SPON1: variants seen among roughly 807,000 people sequenced by gnomAD.
SPON1 encodes the protein spondin 1.
SPON1 carries 52 observed loss-of-function variants against 111.7 expected under a neutral mutation model. The observed-to-expected ratio is 0.47, with a 90% confidence interval of 0.37 to 0.59. SPON1 has a LOEUF of 0.59. Among genes scored for constraint, SPON1 ranks in the 20% least tolerant of loss-of-function variants. SPON1 has a pLI of 0.00. For missense variants in SPON1, 957 were observed against 1,068.5 expected (o/e 0.90, Z 1.46); for synonymous variants, 410 against 395.8 (o/e 1.04, Z -0.43).
chr11:14,119,077 T>C (rs1849285643), intron 5 of SPON1, among the ~76,000 whole-genome samples: 1 of 152,164 alleles, frequency 6.6e-6, no homozygotes, highest in African/African-American at 2.4e-5. Context: ...GGATTACCTA[T>C]ATTATGCTTA....
At chr11:14,070,375 G>A (rs1848865810) in intron 3 of SPON1, among the ~76,000 whole-genome samples, 1 of 152,158 alleles carries the variant, frequency 6.6e-6, no homozygotes, top group East Asian at 1.9e-4. Context: ...TATTGTCTCT[G>A]TCTGAAGCAG....
intron 6 of SPON1, among the ~76,000 whole-genome samples, chr11:14,155,534 T>C (rs1847835329): frequency 1.3e-5 from 2 of 151,428 alleles, no homozygotes; most frequent in Admixed American, 6.6e-5. Flanking sequence ...AGTTTTAGGG[T>C]ACATGTGCAC....
intron 5 of SPON1, among the ~76,000 whole-genome samples, chr11:14,118,271 A>G (rs1554926192): frequency 6.6e-6 from 1 of 152,220 alleles, no homozygotes; most frequent in Non-Finnish European, 1.5e-5. Flanking sequence ...CTCAAGTGTT[A>G]GTGGAGTATT....
intron 6 of SPON1, among the ~76,000 whole-genome samples, chr11:14,227,114 T>C (rs1278666485): frequency 9.9e-5 from 15 of 152,212 alleles, no homozygotes; most frequent in African/African-American, 3.6e-4. Flanking sequence ...AGGATGTAGA[T>C]ATTTTGGGGG....
intron 5 of SPON1, among the ~76,000 whole-genome samples, chr11:14,133,180 C>T (rs898438720): frequency 2.0e-5 from 3 of 152,156 alleles, no homozygotes; most frequent in South Asian, 2.1e-4. Flanking sequence ...AATTTAATCA[C>T]GGTGAATCAA....
At chr11:14,132,363 T>G (rs1554927598) in intron 5 of SPON1, among the ~76,000 whole-genome samples, 1 of 152,106 alleles carries the variant, frequency 6.6e-6, no homozygotes, top group Non-Finnish European at 1.5e-5. Flanking sequence ...GTTGAACTTG[T>G]GTAATTAAAT....
intron 5 of SPON1, among the ~76,000 whole-genome samples, chr11:14,102,690 C>A (rs1554924496): frequency 1.3e-5 from 2 of 152,176 alleles, no homozygotes; most frequent in Admixed American, 1.3e-4. Context: ...GACACTGATG[C>A]CTTTGAAGAG....
chr11:14,249,915 A>G (rs1849034417), intron 7 of SPON1, among the ~76,000 whole-genome samples: 1 of 152,198 alleles, frequency 6.6e-6, no homozygotes, highest in Non-Finnish European at 1.5e-5. Flanking sequence ...TCACATAGCT[A>G]TTAAATAAAC....
At chr11:14,041,084 A>G (rs1848627765) in intron 2 of SPON1, among the ~76,000 whole-genome samples, 1 of 152,206 alleles carries the variant, frequency 6.6e-6, no homozygotes, top group Non-Finnish European at 1.5e-5. Context: ...TACTTTATAT[A>G]CTTTGCTATA....
rs1402123756 is a variant in SPON1 at position 14,121,508 on chromosome 11, T to C, written c.677-13912T>C. Among the ~76,000 whole-genome samples the C allele has an allele frequency of 2.6e-5, 4 of 152,144 alleles. No individual in the cohort carries two copies. The East Asian group carries it at 7.7e-4, about 29-fold the overall frequency. ...TGGAAGCAGTGGGTTCAGACTGACC[T>C]TCCTGAAAAGCCTGGAGGTGCAGGA... On this transcript the variant is annotated intron_variant, in intron 5 of 15. Coordinates refer to ENST00000576479, the MANE Select transcript of SPON1 (RefSeq NM_006108.4).
chr11:13,988,236 T>C (rs1554910669), intron 2 of SPON1, among the ~76,000 whole-genome samples: 1 of 152,232 alleles, frequency 6.6e-6, no homozygotes. Context: ...CCTTGAGCAG[T>C]GGTTTGTAGT....
intron 6 of SPON1, among the ~76,000 whole-genome samples, chr11:14,238,432 C>T (rs934201058): frequency 6.6e-6 from 1 of 152,202 alleles, no homozygotes; most frequent in Non-Finnish European, 1.5e-5. Context: ...TGGCCTTCTG[C>T]TGTGGGCACA....
intron 1 of SPON1, among the ~76,000 whole-genome samples, chr11:13,966,439 T>C (rs1408882319): frequency 6.6e-6 from 1 of 152,138 alleles, no homozygotes; most frequent in Non-Finnish European, 1.5e-5. Context: ...TGATTGAAAA[T>C]AAAAGAGGCT....
intron 6 of SPON1, among the ~76,000 whole-genome samples, chr11:14,199,968 G>C (rs1375623623): frequency 6.6e-6 from 1 of 152,104 alleles, no homozygotes; most frequent in Non-Finnish European, 1.5e-5. Flanking sequence ...ACCGCTTACA[G>C]TACCCTCAAA....
intron 2 of SPON1, among the ~76,000 whole-genome samples, chr11:14,025,488 A>G (rs1283892763): frequency 1.3e-5 from 2 of 152,192 alleles, no homozygotes; most frequent in Non-Finnish European, 2.9e-5. Context: ...ATGTCCATCA[A>G]AATCACCTGA....
At chr11:14,028,439 C>T (rs1412608490) in intron 2 of SPON1, among the ~76,000 whole-genome samples, 2 of 151,970 alleles carry the variant, frequency 1.3e-5, no homozygotes, top group African/African-American at 4.8e-5. Context: ...TGTCACTTCA[C>T]TCTAGCCGGG....
At chr11:14,226,551 A>G (rs1429600062) in intron 6 of SPON1, among the ~76,000 whole-genome samples, 7 of 152,224 alleles carry the variant, frequency 4.6e-5, no homozygotes, top group Admixed American at 3.3e-4. Flanking sequence ...TCAAAATTCG[A>G]CGTACAATTT....
intron 1 of SPON1, 34 bp downstream of exon 1, chr11:13,963,176 G>T (rs1455454235): frequency 2.4e-5 from 34 of 1,416,288 alleles, no homozygotes; most frequent in Non-Finnish European, 3.1e-5. Context: ...TTAGGAGAGC[G>T]GGACCCGGTC....
At chr11:14,084,614 T>C (rs578106470) in intron 5 of SPON1, among the ~76,000 whole-genome samples, 1 of 152,356 alleles carries the variant, frequency 6.6e-6, no homozygotes, top group Non-Finnish European at 1.5e-5. Flanking sequence ...AGCATAAATA[T>C]GCATGTGTCT....
Sources: allele counts gnomAD v4.1 joint callset (sites outside exome capture counted in the v4.1 genomes callset), GRCh38; gene constraint gnomAD v4.1.1; transcripts MANE v1.5; gene names NCBI Gene and HGNC (gene_info 2026-07-23, HGNC 2026-07-21).